The following ALPK1 variants were observed in gnomAD, a reference collection of about 807,000 sequenced individuals.
The protein encoded by ALPK1 is alpha kinase 1.
A neutral mutation model predicts 120.6 loss-of-function variants in ALPK1; 110 were observed. The observed-to-expected ratio is 0.91, with a 90% confidence interval of 0.78 to 1.07. The LOEUF (loss-of-function observed/expected upper bound fraction) is 1.07. ALPK1 is among the 50% of genes least tolerant of loss of function. The probability of loss-of-function intolerance (pLI) is 0.00; values close to 1 mark genes in which losing one functional copy is unlikely to be tolerated. For missense variants in ALPK1, 1,498 were observed against 1,483.9 expected (o/e 1.01, Z -0.16); for synonymous variants, 582 against 560.3 (o/e 1.04, Z -0.55).
chr4:112,388,240 A>G (rs936818573), intron 4 of ALPK1, among the ~76,000 whole-genome samples: 1 of 152,240 alleles, frequency 6.6e-6, no homozygotes, highest in African/African-American at 2.4e-5. Context: ...GATTTAAAAC[A>G]TGAATAAACA....
intron 2 of ALPK1, among the ~76,000 whole-genome samples, chr4:112,355,209 T>C (rs1379353804): frequency 2.6e-5 from 4 of 152,270 alleles, no homozygotes; most frequent in Non-Finnish European, 5.9e-5. Flanking sequence ...AATTTCATTT[T>C]CTAAGCATTT....
At chr4:112,399,522 C>A (rs536452735) in intron 4 of ALPK1, among the ~76,000 whole-genome samples, 1 of 152,004 alleles carries the variant, frequency 6.6e-6, no homozygotes, top group East Asian at 1.9e-4. Context: ...CTAGAAAGGG[C>A]AGCAGAGAAA....
rs768069135 is a variant in ALPK1, at chr4:112,424,119, TG to T, written c.535+120del. 2.6e-5 allele frequency: 25 copies of T among 956,924 alleles called. No homozygotes were observed. In the East Asian group the frequency reaches 3.4e-4, roughly 13 times the overall value. 59.3% of individuals were successfully genotyped at this position (956,924 alleles called of 1,614,324 possible). A position where few individuals can be genotyped will look rare whatever the true frequency, so the allele number is the denominator to read the frequency against. On this transcript the variant is annotated intron_variant, in intron 6 of 15. Transcript: ENST00000650871. ...TACCTTAGATGTTTCCAGAGCTATC[TG>T]GGGCTGGCTCTGCCACTGATGAATG...
intron 2 of ALPK1, among the ~76,000 whole-genome samples, chr4:112,334,243 G>A (rs1451327818): frequency 6.6e-6 from 1 of 152,006 alleles, no homozygotes. Context: ...GACCAACCTG[G>A]ACAACATGGT....
chr4:112,347,745 A>T (rs780635849), intron 2 of ALPK1, among the ~76,000 whole-genome samples: 1 of 152,230 alleles, frequency 6.6e-6, no homozygotes, highest in African/African-American at 2.4e-5. Context: ...GATACAGTGC[A>T]TCTTATTTGA....
chr4:112,313,735 T>C (rs1351058061), intron 1 of ALPK1, among the ~76,000 whole-genome samples: 1 of 151,926 alleles, frequency 6.6e-6, no homozygotes, highest in East Asian at 1.9e-4. Flanking sequence ...AAAAAAGTAA[T>C]AATAAGAAGA....
intron 2 of ALPK1, among the ~76,000 whole-genome samples, chr4:112,360,559 T>C (rs1361080124): frequency 1.3e-5 from 2 of 152,242 alleles, no homozygotes; most frequent in African/African-American, 4.8e-5. Context: ...GTTATTGTTG[T>C]AGCTTTATAT....
chr4:112,414,575 T>C (rs1578552672), intron 5 of ALPK1: 1 of 191,012 alleles, frequency 5.2e-6, no homozygotes, highest in Non-Finnish European at 1.1e-5. Flanking sequence ...ACCATTGTAC[T>C]CCAGCCTGGG....
chr4:112,428,382 C>T (rs565854075), intron 9 of ALPK1, among the ~76,000 whole-genome samples: 1 of 152,234 alleles, frequency 6.6e-6, no homozygotes, highest in South Asian at 2.1e-4. Context: ...ATTCAAGACC[C>T]CATTATTAAA....
At chr4:112,396,013 T>C (rs1019260370) in intron 4 of ALPK1, among the ~76,000 whole-genome samples, 4 of 152,208 alleles carry the variant, frequency 2.6e-5, no homozygotes, top group Admixed American at 2.6e-4. Context: ...ACTCTTCATT[T>C]GGAACATTTT....
chr4:112,386,824 T>G (rs546099106), intron 4 of ALPK1, among the ~76,000 whole-genome samples: 2 of 152,302 alleles, frequency 1.3e-5, no homozygotes, highest in Admixed American at 6.5e-5. Flanking sequence ...TTATTAGTAT[T>G]AGTCAGAAAA....
intron 2 of ALPK1, among the ~76,000 whole-genome samples, chr4:112,334,628 T>C (rs1048332030): frequency 1.3e-5 from 2 of 152,078 alleles, no homozygotes; most frequent in African/African-American, 4.8e-5. Context: ...GCTTAGTTCT[T>C]ATATAGGAGT....
rs1730686752 is a variant in ALPK1, at chr4:112,357,439, C to T, written c.-100-20239C>T. The T allele has an allele frequency of 7.1e-6, 5 of 705,524 alleles. No individual in the cohort carries two copies. In the South Asian group the frequency reaches 8.3e-5, roughly 12 times the overall value. The allele number at this position is 705,524 out of a possible 1,614,324, so 43.7% of individuals were successfully genotyped here. A position where few individuals can be genotyped will look rare whatever the true frequency, so the allele number is the denominator to read the frequency against. On this transcript the variant is annotated intron_variant, in intron 2 of 15. Transcript: ENST00000650871. ...AGAGGGTGGTTCAGCCATCTGATGC[C>T]TGGAGCACCACTGCAGCAGAAAGCG...
rs554891052 is a variant in ALPK1 at position 112,355,469 on chromosome 4, C to T, written c.-100-22209C>T. Among the ~76,000 whole-genome samples, 11 of 152,140 alleles carry T rather than the reference C, an allele frequency of 7.2e-5. No homozygotes were observed. In the East Asian group the frequency reaches 1.7e-3, roughly 24 times the overall value. ...ATCCAGGTTCTGGGCAAGGGGCAGC[C>T]GTTCTCAAATTTTCAGGAAAGCGGT... On this transcript the variant is annotated intron_variant, in intron 2 of 15. Transcript: ENST00000650871.
At position 112,430,799 on chromosome 4, in the gene ALPK1, C is replaced by T. The variant is rs748107533; in HGVS notation, c.1252C>T (p.His418Tyr). 6 of 1,614,226 alleles carry T rather than the reference C, an allele frequency of 3.7e-6. No individual in the cohort carries two copies. In the East Asian group the frequency reaches 1.1e-4, roughly 30 times the overall value. The change falls in exon 11 of 16, where the codon CAT becomes TAT. Residue 418 changes from histidine (H) to tyrosine (Y), a missense_variant. Physicochemically the swap from His to Tyr is moderately conservative, Grantham distance 83. Coordinates refer to ENST00000650871, the MANE Select transcript of ALPK1 (RefSeq NM_025144.4). ...GTCTGTGATTGCCCAGGTGAAGGAACATTTACAAGTTCAAAGCTTCTCAAA... is the reference window on the plus strand; with the variant it reads ...GTCTGTGATTGCCCAGGTGAAGGAATATTTACAAGTTCAAAGCTTCTCAAA... ...VMSVIAQVKE[H>Y]LQVQSFSNVD... is the part of the protein sequence containing the mutation.
intron 1 of ALPK1, among the ~76,000 whole-genome samples, chr4:112,313,539 A>G (rs1202150529): frequency 6.6e-6 from 1 of 152,238 alleles, no homozygotes; most frequent in Non-Finnish European, 1.5e-5. Flanking sequence ...ACTGCCCAAC[A>G]TGGTGAAAAC....
rs372126392 is a variant in ALPK1 at position 112,440,975 on chromosome 4, C to T, written c.3597C>T (p.Ser1199=). ...ACCTCACAGATCCCCAGATTCACTC[C>T]GTTGATCAGAAAGTTTTCACTACCA... The part of the protein sequence containing the change: ...LIYLTDPQIH[S]VDQKVFTTNF... Residue 1199 remains serine, a synonymous_variant, in exon 15 of 16, where the codon TCC becomes TCT. Coordinates refer to ENST00000650871, the MANE Select transcript of ALPK1 (RefSeq NM_025144.4). The T allele has an allele frequency of 9.6e-5, 155 of 1,613,722 alleles. No homozygotes were observed. Among genetic ancestry groups the T allele is most frequent in the Middle Eastern group, 8.2e-4 (5 of 6,076 alleles).
intron 2 of ALPK1, among the ~76,000 whole-genome samples, chr4:112,338,965 T>A (rs928228767): frequency 6.6e-6 from 1 of 152,238 alleles, no homozygotes; most frequent in African/African-American, 2.4e-5. Flanking sequence ...CCTTCCACTG[T>A]GCTGTAAAGC....
At chr4:112,384,231 T>A (rs1484519655) in intron 4 of ALPK1, 1 of 152,130 alleles carries the variant, frequency 6.6e-6, no homozygotes, top group African/African-American at 2.4e-5. Flanking sequence ...CAATTCTCCA[T>A]CAGGAAGCAC....
Sources: allele counts gnomAD v4.1 joint callset (sites outside exome capture counted in the v4.1 genomes callset), GRCh38; gene constraint gnomAD v4.1.1; transcripts MANE v1.5; gene names NCBI Gene and HGNC (gene_info 2026-07-23, HGNC 2026-07-21).